The following ZNF407 variants were observed in gnomAD, a reference collection of about 807,000 sequenced individuals.
The protein encoded by ZNF407 is zinc finger protein 407.
ZNF407 carries 17 observed loss-of-function variants against 131.2 expected under a neutral mutation model. The observed-to-expected ratio is 0.13, with a 90% CI of 0.09 to 0.19. The LOEUF (loss-of-function observed/expected upper bound fraction) is 0.19, where lower values mean the gene tolerates loss of function less well. Ranked by LOEUF, ZNF407 falls within the 10% of genes least tolerant of loss-of-function variation. The probability of loss-of-function intolerance (pLI) is 1.00; values close to 1 mark genes in which losing one functional copy is unlikely to be tolerated. For synonymous variants in ZNF407, 1,156 were observed against 1,062.0 expected (o/e 1.09, Z -1.72); for missense variants, 2,681 against 2,830.6 (o/e 0.95, Z 1.20).
chr18:74,831,135 T>C (rs11877472), intron 4 of ZNF407, among the ~76,000 whole-genome samples: 1 of 152,222 alleles, frequency 6.6e-6, no homozygotes, highest in East Asian at 1.9e-4. Context: ...TATTTCATTG[T>C]GTATGTATAT....
chr18:74,978,759 C>G (rs1009903758), intron 8 of ZNF407, among the ~76,000 whole-genome samples: 1 of 151,930 alleles, frequency 6.6e-6, no homozygotes, highest in Non-Finnish European at 1.5e-5. Flanking sequence ...AGATGAAAAA[C>G]TTAAGTGGGA....
intron 3 of ZNF407, among the ~76,000 whole-genome samples, chr18:74,641,963 C>CA (rs1984741492): frequency 6.6e-6 from 1 of 151,362 alleles, no homozygotes; most frequent in Non-Finnish European, 1.5e-5. Flanking sequence ...GTTCTTATGG[C>CA]TAATTCACAA....
chr18:74,837,933 C>T (rs1429575674), intron 4 of ZNF407, among the ~76,000 whole-genome samples: 1 of 152,162 alleles, frequency 6.6e-6, no homozygotes, highest in Non-Finnish European at 1.5e-5. Flanking sequence ...GGATTACAGG[C>T]GTGACCCACT....
intron 8 of ZNF407, chr18:74,921,140 A>G: frequency 3.9e-6 from 2 of 507,746 alleles, no homozygotes; most frequent in Non-Finnish European, 5.1e-6. Context: ...CCACGGAGTC[A>G]AGCGTAGTGG....
chr18:74,722,236 C>T (rs1968055754), intron 3 of ZNF407, among the ~76,000 whole-genome samples: 1 of 152,012 alleles, frequency 6.6e-6, no homozygotes, highest in Non-Finnish European at 1.5e-5. Flanking sequence ...AGGATCCTTA[C>T]TGTACTTTTA....
intron 8 of ZNF407, among the ~76,000 whole-genome samples, chr18:74,935,707 GAA>G (rs1972031854): frequency 2.0e-5 from 3 of 152,202 alleles, no homozygotes; most frequent in Admixed American, 2.0e-4. Context: ...AGAGAGGTGA[GAA>G]GAGGAGATCG....
At chr18:75,016,109 G>A (rs1973040964) in intron 8 of ZNF407, among the ~76,000 whole-genome samples, 1 of 152,068 alleles carries the variant, frequency 6.6e-6, no homozygotes, top group African/African-American at 2.4e-5. Context: ...TTATGATTGT[G>A]AGTAGTGCCG....
intron 1 of ZNF407, among the ~76,000 whole-genome samples, chr18:74,605,132 G>A (rs984059738): frequency 2.0e-5 from 3 of 152,178 alleles, no homozygotes; most frequent in African/African-American, 7.2e-5. Flanking sequence ...GCATTCTCTT[G>A]ATATTTGGGG....
chr18:74,853,093 T>C (rs1250902012), intron 4 of ZNF407, among the ~76,000 whole-genome samples: 3 of 152,138 alleles, frequency 2.0e-5, no homozygotes, highest in Non-Finnish European at 4.4e-5. Context: ...TCCACCTTTT[T>C]CCCTAGGAAA....
chr18:74,960,525 G>C (rs1192137238), intron 8 of ZNF407, among the ~76,000 whole-genome samples: 10 of 143,410 alleles, frequency 7.0e-5, no homozygotes, highest in African/African-American at 2.4e-4. Flanking sequence ...TTGGTGGAGG[G>C]ATAGGAGAAG....
intron 4 of ZNF407, among the ~76,000 whole-genome samples, chr18:74,875,919 A>G (rs1273271663): frequency 6.6e-6 from 1 of 152,212 alleles, no homozygotes; most frequent in Non-Finnish European, 1.5e-5. Context: ...AACTAAATAG[A>G]ATAAAAGATT....
chr18:75,012,834 A>G (rs1972996102), intron 8 of ZNF407, among the ~76,000 whole-genome samples: 1 of 152,010 alleles, frequency 6.6e-6, no homozygotes, highest in African/African-American at 2.4e-5. Context: ...TAGTCATTTT[A>G]AATACATGCA....
intron 3 of ZNF407, among the ~76,000 whole-genome samples, chr18:74,728,834 A>G (rs1370212247): frequency 2.6e-5 from 4 of 152,190 alleles, no homozygotes; most frequent in African/African-American, 9.6e-5. Flanking sequence ...GAAAACAGGA[A>G]AGGCTTGAAG....
rs485449 is a variant in ZNF407 at position 74,660,559 on chromosome 18, C to T, written c.4802+19437C>T. Among the ~76,000 whole-genome samples, 558 of 152,072 alleles carry T rather than the reference C, an allele frequency of 3.7e-3. 4 individuals are homozygous for T. The highest frequency in any genetic ancestry group is 0.013 in the African/African-American group (545 of 41,512). The stretch of plus-strand genomic sequence containing the variant: ...GTTGCAGTTTTTTAATTGCTTACAT[C>T]GATTCTAGAAACTACACGTTAGCAG... On this transcript the variant is annotated intron_variant, in intron 3 of 8. Transcript: ENST00000299687.
rs17055654 is a variant in ZNF407, at chr18:74,816,524, T to G, written c.4877+35022T>G. On this transcript the variant is annotated intron_variant, in intron 4 of 8. Coordinates refer to ENST00000299687, the MANE Select transcript of ZNF407 (RefSeq NM_017757.3). ...CTTTCTGAATGTTTATGGCTCTTAATCTTGACCCATTTCTTACTTTGTTAT... is the reference window on the plus strand; with the variant it reads ...CTTTCTGAATGTTTATGGCTCTTAAGCTTGACCCATTTCTTACTTTGTTAT... Among the ~76,000 whole-genome samples, 1,187 of 152,356 alleles carry G rather than the reference T, an allele frequency of 7.8e-3. 12 individuals carry two copies. Among genetic ancestry groups the G allele is most frequent in the African/African-American group, 0.027 (1,102 of 41,584 alleles).
chr18:74,659,390 G>T (rs1985616315), intron 3 of ZNF407, among the ~76,000 whole-genome samples: 1 of 151,996 alleles, frequency 6.6e-6, no homozygotes, highest in African/African-American at 2.4e-5. Context: ...AGGTAAAAAA[G>T]ATACATTTAT....
intron 8 of ZNF407, among the ~76,000 whole-genome samples, chr18:75,053,830 A>C (rs1973530007): frequency 6.6e-6 from 1 of 152,176 alleles, no homozygotes; most frequent in Non-Finnish European, 1.5e-5. Context: ...AGATCCAAGG[A>C]AGGACTGAGG....
intron 3 of ZNF407, among the ~76,000 whole-genome samples, chr18:74,651,425 A>G (rs758912392): frequency 1.4e-4 from 21 of 152,164 alleles, no homozygotes; most frequent in Non-Finnish European, 1.3e-4. Context: ...AGAAACCAGC[A>G]TTTAATTTCA....
At position 75,048,553 on chromosome 18, in the gene ZNF407, C is replaced by G. The variant is rs1175067141; in HGVS notation, c.5429-14597C>G. Among the ~76,000 whole-genome samples, 1 of 152,136 alleles carries G rather than the reference C, an allele frequency of 6.6e-6. No individual in the cohort carries two copies. The highest frequency in any genetic ancestry group is 1.5e-5 in the Non-Finnish European group (1 of 68,030). ...ATTTCCAACCCAGCCTAGCCTTCCCCTGGCCTGAAGCATGTTGCCAGTAAT... is the reference window on the plus strand; with the variant it reads ...ATTTCCAACCCAGCCTAGCCTTCCCGTGGCCTGAAGCATGTTGCCAGTAAT... On this transcript the variant is annotated intron_variant, in intron 8 of 8. Transcript: ENST00000299687. The surrounding 1 kb of genome is among the most constrained non-coding windows in gnomAD (Gnocchi z 4.1).
Sources: gnomAD v4.1 joint callset for allele counts (sites outside exome capture counted in the v4.1 genomes callset) on GRCh38, gnomAD v4.1.1 for gene constraint, Gnocchi (gnomAD v3.1) non-coding constraint, MANE v1.5 for transcripts, NCBI Gene and HGNC (gene_info 2026-07-23, HGNC 2026-07-21) for gene names.